The following RSPO2 variants were observed in gnomAD, a reference collection of about 807,000 sequenced individuals.
The protein encoded by RSPO2 is R-spondin-2.
A neutral mutation model predicts 30.9 loss-of-function variants in RSPO2; 14 were observed. The ratio of observed to expected loss-of-function variants is 0.45; its 90% CI spans 0.30 to 0.71. The LOEUF (loss-of-function observed/expected upper bound fraction) is 0.71. Ranked by LOEUF, RSPO2 falls within the 30% of genes least tolerant of loss-of-function variation. The probability of loss-of-function intolerance (pLI) is 0.08; values close to 1 mark genes in which losing one functional copy is unlikely to be tolerated. For synonymous variants in RSPO2, 107 were observed against 96.4 expected, an observed-to-expected ratio of 1.11 and a Z score of -0.64; for missense variants, 264 against 301.9, an observed-to-expected ratio of 0.87 and a Z score of 0.93.
intron 3 of RSPO2, chr8:107,983,532 C>T: frequency 1.2e-6 from 2 of 1,600,206 alleles, no homozygotes; most frequent in Non-Finnish European, 1.7e-6. Context: ...GGGATCCAGA[C>T]ACACTACTAT....
chr8:108,042,818 A>G (rs906862858), intron 2 of RSPO2, among the ~76,000 whole-genome samples: 2 of 152,122 alleles, frequency 1.3e-5, no homozygotes, highest in Non-Finnish European at 2.9e-5. Flanking sequence ...GAAACTGGGA[A>G]TCAAAGGCTT....
At chr8:108,040,428 G>A (rs4735036) in intron 2 of RSPO2, among the ~76,000 whole-genome samples, 25,957 of 151,926 alleles carry the variant, frequency 0.17, 2,888 homozygotes, top group Middle Eastern at 0.28. Context: ...AAACATGAAC[G>A]CAAAAGGTAC....
In RSPO2 at chr8:107,989,049, T is replaced by G. The variant is rs1260407484; in HGVS notation, c.283+7A>C. 6.3e-7 allele frequency: 1 copy of G among 1,590,112 alleles called. No individual in the cohort carries two copies. The highest frequency in any genetic ancestry group is 2.3e-5 in the East Asian group (1 of 44,000). On this transcript the variant is annotated splice_region_variant and intron_variant, in intron 3 of 5. Coordinates refer to ENST00000276659, the MANE Select transcript of RSPO2 (RefSeq NM_178565.5). ...GCAATACAGGATAGACAAAACCAAA[T>G]GCTCACTTGCACATCTGTTCATATC...
At chr8:107,978,649 GC>G (rs1814304903) in intron 3 of RSPO2, among the ~76,000 whole-genome samples, 2 of 152,116 alleles carry the variant, frequency 1.3e-5, no homozygotes, top group East Asian at 3.9e-4. Context: ...AACACCAAAA[GC>G]AATGGCAACA....
intron 5 of RSPO2, among the ~76,000 whole-genome samples, chr8:107,912,887 A>T (rs1252854702): frequency 6.6e-6 from 1 of 152,170 alleles, no homozygotes; most frequent in Non-Finnish European, 1.5e-5. Flanking sequence ...AATCAAATAA[A>T]TGTAAGTAGT....
Position 107,978,539 on chromosome 8 carries a change from T to C in RSPO2, c.283+10517A>G, listed in dbSNP as rs914221454. Reference sequence around the variant, plus strand: ...TATACAAAAATTAATTCAAGATGGATTAAAGACTTACATGTTAGACCTAAA... The same window carrying C: ...TATACAAAAATTAATTCAAGATGGACTAAAGACTTACATGTTAGACCTAAA... On this transcript the variant is annotated intron_variant, in intron 3 of 5. Transcript: ENST00000276659. 5.3e-5 allele frequency among the ~76,000 whole-genome samples: 8 copies of C among 152,226 alleles called. No individual in the cohort carries two copies. The East Asian group carries it at 5.8e-4, about 11-fold the overall frequency.
intron 3 of RSPO2, among the ~76,000 whole-genome samples, chr8:107,965,223 C>T (rs1485120746): frequency 1.3e-5 from 2 of 152,140 alleles, no homozygotes. Context: ...AAATGTAACC[C>T]ACCGAATGAG....
chr8:107,904,048 C>T (rs376233195), intron 5 of RSPO2, among the ~76,000 whole-genome samples: 1 of 151,888 alleles, frequency 6.6e-6, no homozygotes, highest in Non-Finnish European at 1.5e-5. Flanking sequence ...GAAAAGAAAT[C>T]GGTAAGATTA....
rs1163963385 is a variant in RSPO2, at chr8:108,060,053, T to C, written c.94+22492A>G. Reference sequence around the variant, plus strand: ...AGAGTACTACAATACCAGGGGGTGGTTCCAAGATGGCCAAATAGGAACAGC... The same window carrying C: ...AGAGTACTACAATACCAGGGGGTGGCTCCAAGATGGCCAAATAGGAACAGC... On this transcript the variant is annotated intron_variant, in intron 2 of 5. Transcript: ENST00000276659. 2.6e-5 allele frequency among the ~76,000 whole-genome samples: 4 copies of C among 151,338 alleles called. 1 individual carries two copies. The highest frequency in any genetic ancestry group is 7.3e-5 in the African/African-American group (3 of 40,882).
intron 2 of RSPO2, among the ~76,000 whole-genome samples, chr8:108,072,531 G>A (rs1255246123): frequency 6.8e-6 from 1 of 146,808 alleles, no homozygotes; most frequent in Non-Finnish European, 1.5e-5. Flanking sequence ...GTAGAGACGG[G>A]GTTTCACCAT....
intron 2 of RSPO2, among the ~76,000 whole-genome samples, chr8:108,028,660 G>A (rs1282969076): frequency 6.6e-6 from 1 of 152,200 alleles, no homozygotes. Flanking sequence ...GCCTCCATGT[G>A]GAGTCCTGTG....
At chr8:108,073,860 C>G (rs1812928999) in intron 2 of RSPO2, among the ~76,000 whole-genome samples, 1 of 152,160 alleles carries the variant, frequency 6.6e-6, no homozygotes, top group Admixed American at 6.5e-5. Context: ...TGAAAACTCA[C>G]ACAAGGAAAA....
chr8:108,034,130 G>GA (rs1811514790), intron 2 of RSPO2, among the ~76,000 whole-genome samples: 1 of 152,106 alleles, frequency 6.6e-6, no homozygotes, highest in South Asian at 2.1e-4. Context: ...CCTAAGGACA[G>GA]AAAATTGAAA....
intron 3 of RSPO2, among the ~76,000 whole-genome samples, chr8:107,968,902 C>A (rs1352917232): frequency 6.6e-6 from 1 of 151,774 alleles, no homozygotes; most frequent in African/African-American, 2.4e-5. Context: ...AGGGCATTAC[C>A]CAATAAAGGG....
At chr8:108,017,207 C>T (rs926143346) in intron 2 of RSPO2, among the ~76,000 whole-genome samples, 4 of 151,824 alleles carry the variant, frequency 2.6e-5, no homozygotes, top group African/African-American at 9.7e-5. Flanking sequence ...TTAGTAGAGA[C>T]GGGGTTTCAC....
At chr8:107,947,032 A>G (rs967559492) in intron 5 of RSPO2, among the ~76,000 whole-genome samples, 1 of 152,256 alleles carries the variant, frequency 6.6e-6, no homozygotes, top group Admixed American at 6.5e-5. Flanking sequence ...TACAAAATAC[A>G]TTGCTTCTCA....
intron 5 of RSPO2, among the ~76,000 whole-genome samples, chr8:107,933,044 T>A (rs1586556431): frequency 6.6e-6 from 1 of 152,296 alleles, no homozygotes; most frequent in South Asian, 2.1e-4. Context: ...GAGCCTTCTC[T>A]CTATCCCTAC....
intron 2 of RSPO2, among the ~76,000 whole-genome samples, chr8:108,061,505 C>T (rs1812462700): frequency 1.3e-5 from 2 of 151,830 alleles, no homozygotes; most frequent in African/African-American, 4.9e-5. Flanking sequence ...TATATATGCA[C>T]CCAATACGGG....
At chr8:108,074,049 C>T (rs990276448) in intron 2 of RSPO2, among the ~76,000 whole-genome samples, 1 of 152,124 alleles carries the variant, frequency 6.6e-6, no homozygotes, top group Non-Finnish European at 1.5e-5. Flanking sequence ...CTCTACACCA[C>T]AAAAAGCAAC....
Sources: gnomAD v4.1 joint callset for allele counts (sites outside exome capture counted in the v4.1 genomes callset) on GRCh38, gnomAD v4.1.1 for gene constraint, MANE v1.5 for transcripts, NCBI Gene and HGNC (gene_info 2026-07-23, HGNC 2026-07-21) for gene names.